Variants in VPS4B observed in about 807,000 individuals in gnomAD.
The protein encoded by VPS4B is vacuolar protein sorting 4 homolog B.
A neutral mutation model predicts 56.1 loss-of-function variants in VPS4B; 23 were observed. The observed-to-expected ratio is 0.41, with a 90% confidence interval of 0.30 to 0.58. The LOEUF (loss-of-function observed/expected upper bound fraction) is 0.58, where lower values mean the gene tolerates loss of function less well. VPS4B is among the 20% of genes least tolerant of loss of function. The probability of loss-of-function intolerance (pLI) is 0.29; values close to 1 mark genes in which losing one functional copy is unlikely to be tolerated. For synonymous variants in VPS4B, 177 were observed against 186.0 expected, an observed-to-expected ratio of 0.95 and a Z score of 0.39; for missense variants, 372 against 531.9, an observed-to-expected ratio of 0.70 and a Z score of 2.96.
At chr18:63,414,849 G>C (rs528126010) in intron 1 of VPS4B, among the ~76,000 whole-genome samples, 10 of 152,346 alleles carry the variant, frequency 6.6e-5, no homozygotes, top group African/African-American at 2.2e-4. Flanking sequence ...GCCTCACTGA[G>C]GCACCACACT....
chr18:63,393,121 A>AAG (rs764646037), intron 10 of VPS4B, among the ~76,000 whole-genome samples: 2 of 152,240 alleles, frequency 1.3e-5, no homozygotes, highest in African/African-American at 2.4e-5. Context: ...ATTATACTAT[A>AAG]TATGAGCATT....
At chr18:63,401,654 TAA>T (rs1915812733) in intron 5 of VPS4B, among the ~76,000 whole-genome samples, 1 of 152,060 alleles carries the variant, frequency 6.6e-6, no homozygotes, top group South Asian at 2.1e-4. Flanking sequence ...CTGCCTAAAA[TAA>T]AACAGGTGGG....
intron 3 of VPS4B, among the ~76,000 whole-genome samples, chr18:63,409,891 A>G (rs917162208): frequency 1.3e-5 from 2 of 152,222 alleles, no homozygotes; most frequent in African/African-American, 4.8e-5. Flanking sequence ...GCTAATGGCC[A>G]GAGAGTAACT....
At chr18:63,421,899 G>A (rs1207451944) in intron 1 of VPS4B, among the ~76,000 whole-genome samples, 1 of 152,194 alleles carries the variant, frequency 6.6e-6, no homozygotes, top group African/African-American at 2.4e-5. Flanking sequence ...AACTGGTCCA[G>A]AATAGGGCTT....
intron 10 of VPS4B, among the ~76,000 whole-genome samples, chr18:63,392,121 G>A (rs8095337): frequency 0.59 from 89,803 of 151,942 alleles, 27,754 homozygotes; most frequent in East Asian, 0.88. Context: ...TCTATGTACC[G>A]TGTAAAAGTT....
At chr18:63,400,434 C>A (rs1369375701) in intron 6 of VPS4B, 113 bp downstream of exon 6, 1 of 1,206,918 alleles carries the variant, frequency 8.3e-7, no homozygotes, top group African/African-American at 1.6e-5. Flanking sequence ...GAAGTGAGTA[C>A]CTGTATTACA....
At chr18:63,407,322 T>A in intron 4 of VPS4B, 110 bp downstream of exon 4, 1 of 975,534 alleles carries the variant, frequency 1.0e-6, no homozygotes, top group Non-Finnish European at 1.5e-6. Context: ...CCAAAGCCAG[T>A]TCTTAAACTT....
chr18:63,408,253 CA>C (rs2144428501), intron 3 of VPS4B, among the ~76,000 whole-genome samples: 1 of 151,710 alleles, frequency 6.6e-6, no homozygotes, highest in South Asian at 2.1e-4. Flanking sequence ...GTGATAAAGC[CA>C]AAAATAAGGC....
At position 63,422,306 on chromosome 18, in the gene VPS4B, C is replaced by G. The variant is rs751219172; in HGVS notation, c.-47G>C. The stretch of plus-strand genomic sequence containing the variant: ...CCAAGGGAACGAGGGGCGAGGAGAG[C>G]CAACAGCAGCAACGTCGAAGCGCGC... On this transcript the variant is annotated 5_prime_UTR_variant, in exon 1 of 11. Coordinates refer to ENST00000238497, the MANE Select transcript of VPS4B (RefSeq NM_004869.4). 16 of 1,460,872 alleles carry G rather than the reference C, an allele frequency of 1.1e-5. No individual in the cohort carries two copies. The highest frequency in any genetic ancestry group is 2.7e-5 in the Admixed American group (1 of 37,214). 90.5% of individuals were successfully genotyped at this position (1,460,872 alleles called of 1,614,324 possible). A position where few individuals can be genotyped will look rare whatever the true frequency, so the allele number is the denominator to read the frequency against.
chr18:63,411,709 A>G (rs1211803788), intron 1 of VPS4B, 131 bp from the exon 2 acceptor site: 2 of 513,786 alleles, frequency 3.9e-6, no homozygotes, highest in Admixed American at 3.9e-5. Flanking sequence ...GAAAACAAAA[A>G]TAAGTAAAAA....
Position 63,407,509 on chromosome 18 carries a change from A to G in VPS4B, c.297-10T>C. Reference sequence around the variant, plus strand: ...CCCATCACTGTCATTCCTAATAAAAAGAATTTAATATATTCAAATGATCAC... The same window carrying G: ...CCCATCACTGTCATTCCTAATAAAAGGAATTTAATATATTCAAATGATCAC... On this transcript the variant is annotated splice_polypyrimidine_tract_variant and intron_variant, in intron 3 of 10. Transcript: ENST00000238497. 1 of 1,592,152 alleles carries G rather than the reference A, an allele frequency of 6.3e-7. No homozygotes were observed. The highest frequency in any genetic ancestry group is 8.5e-7 in the Non-Finnish European group (1 of 1,169,644).
At chr18:63,408,220 C>A (rs1229080012) in intron 3 of VPS4B, among the ~76,000 whole-genome samples, 1 of 152,108 alleles carries the variant, frequency 6.6e-6, no homozygotes, top group African/African-American at 2.4e-5. Context: ...AAAGATATTC[C>A]TGATACAATG....
chr18:63,422,351 A>C lies in VPS4B; in HGVS notation c.-92T>G. 1.6e-6 allele frequency: 2 copies of C among 1,258,520 alleles called. No individual in the cohort carries two copies. The highest frequency in any genetic ancestry group is 2.1e-6 in the Non-Finnish European group (2 of 955,084). 78.0% of individuals were successfully genotyped at this position (1,258,520 alleles called of 1,614,324 possible). A position where few individuals can be genotyped will look rare whatever the true frequency, so the allele number is the denominator to read the frequency against. On this transcript the variant is annotated 5_prime_UTR_variant, in exon 1 of 11. Coordinates refer to ENST00000238497, the MANE Select transcript of VPS4B (RefSeq NM_004869.4). Reference sequence around the variant, plus strand: ...GCGCGCACGGGGTAACAGCCCTCAAACTGGGGAGGCCGGTGGTTCTCGGAC... The same window carrying C: ...GCGCGCACGGGGTAACAGCCCTCAACCTGGGGAGGCCGGTGGTTCTCGGAC...
At chr18:63,406,886 GT>G (rs1915930043) in intron 4 of VPS4B, among the ~76,000 whole-genome samples, 1 of 152,214 alleles carries the variant, frequency 6.6e-6, no homozygotes, top group Non-Finnish European at 1.5e-5. Context: ...TGTCCCCTCT[GT>G]TATGCCACTG....
Position 63,400,335 on chromosome 18 carries a change from G to A in VPS4B, c.642-139C>T, listed in dbSNP as rs1915782208. 3 of 1,124,348 alleles carry A rather than the reference G, an allele frequency of 2.7e-6. No homozygotes were observed. In the African/African-American group the frequency reaches 4.8e-5, roughly 18 times the overall value. The allele number at this position is 1,124,348 out of a possible 1,614,324, so 69.6% of individuals were successfully genotyped here. On this transcript the variant is annotated intron_variant, in intron 6 of 10. Transcript: ENST00000238497. ...TACAGAAAATAAGAATGCTACAACT[G>A]GATAATTCACTTTATGATTCACTAG...
intron 9 of VPS4B, chr18:63,396,274 A>T (rs1330889617): frequency 1.3e-5 from 2 of 152,200 alleles, no homozygotes; most frequent in Admixed American, 1.3e-4. Context: ...TTTTTTTAAG[A>T]CAGGGTCTCA....
intron 1 of VPS4B, among the ~76,000 whole-genome samples, chr18:63,417,095 G>GAA (rs35098687): frequency 2.0e-5 from 3 of 149,536 alleles, no homozygotes; most frequent in African/African-American, 7.4e-5. Flanking sequence ...TTTAACGAAT[G>GAA]AAAAAAAAAA....
chr18:63,410,848 A>G (rs1001213473), intron 2 of VPS4B, among the ~76,000 whole-genome samples: 1 of 152,244 alleles, frequency 6.6e-6, no homozygotes, highest in African/African-American at 2.4e-5. Context: ...GAATGTCTAC[A>G]AAAGCTTTAT....
At chr18:63,410,128 G>C (rs763584170) in intron 3 of VPS4B, among the ~76,000 whole-genome samples, 162 bp downstream of exon 3, 1 of 152,208 alleles carries the variant, frequency 6.6e-6, no homozygotes, top group Non-Finnish European at 1.5e-5. Flanking sequence ...ATATGTAAAA[G>C]AATGGGCACG....
Sources: allele counts gnomAD v4.1 joint callset (sites outside exome capture counted in the v4.1 genomes callset), GRCh38; gene constraint gnomAD v4.1.1; transcripts MANE v1.5; gene names NCBI Gene and HGNC (gene_info 2026-07-23, HGNC 2026-07-21).